ARSB: variants seen among roughly 807,000 people sequenced by gnomAD.
ARSB encodes N-acetylgalactosamine-4-sulfatase.
Under a neutral mutation model 50.9 loss-of-function variants are expected in ARSB, and 41 were observed. The observed-to-expected ratio is 0.81, with a 90% confidence interval of 0.63 to 1.04. ARSB has a LOEUF of 1.04. Ranked by LOEUF, ARSB falls within the 50% of genes least tolerant of loss-of-function variation. The probability of loss-of-function intolerance (pLI) is 0.00; values close to 1 mark genes in which losing one functional copy is unlikely to be tolerated. For missense variants in ARSB, 672 were observed against 693.3 expected (o/e 0.97, Z 0.35); for synonymous variants, 269 against 284.8 (o/e 0.94, Z 0.56).
intron 4 of ARSB, among the ~76,000 whole-genome samples, chr5:78,942,029 T>G (rs1027001061): frequency 1.1e-4 from 17 of 152,172 alleles, no homozygotes; most frequent in Non-Finnish European, 1.9e-4. Context: ...ATGTATCCAG[T>G]AATTTATCCG....
At chr5:78,804,400 T>G (rs548094598) in intron 6 of ARSB, among the ~76,000 whole-genome samples, 5 of 152,192 alleles carry the variant, frequency 3.3e-5, no homozygotes, top group African/African-American at 1.2e-4. Flanking sequence ...CACATAAGCC[T>G]CTCTTAAGGA....
At chr5:78,975,812 C>G (rs923793690) in intron 1 of ARSB, among the ~76,000 whole-genome samples, 1 of 152,188 alleles carries the variant, frequency 6.6e-6, no homozygotes, top group Non-Finnish European at 1.5e-5. Context: ...TTGTCCAACA[C>G]TGAGTGCTTC....
At chr5:78,913,796 T>C (rs922984474) in intron 4 of ARSB, among the ~76,000 whole-genome samples, 2 of 152,190 alleles carry the variant, frequency 1.3e-5, no homozygotes, top group Non-Finnish European at 2.9e-5. Context: ...TTGCTAGCTG[T>C]AGTCACCTCA....
At chr5:78,872,290 A>G (rs1747239295) in intron 5 of ARSB, among the ~76,000 whole-genome samples, 1 of 151,612 alleles carries the variant, frequency 6.6e-6, no homozygotes, top group Non-Finnish European at 1.5e-5. Context: ...TAGAAATACC[A>G]TTTGACCCAG....
At chr5:78,913,108 T>G (rs1749377961) in intron 4 of ARSB, among the ~76,000 whole-genome samples, 1 of 143,744 alleles carries the variant, frequency 7.0e-6, no homozygotes, top group African/African-American at 2.5e-5. Flanking sequence ...TTTTAAAATG[T>G]AGTTTTAATT....
rs906245021 is a variant in ARSB, at chr5:78,780,557, G to T, written c.1442C>A (p.Pro481His). ...TCTGGACAGGTCATGTCTTTCTTCA[G>T]GGTCCCGATCAATATCAAAGAGCCA... ...TLWLFDIDRDPEERHDLSREY... is the reference protein window; with the variant it reads ...TLWLFDIDRDHEERHDLSREY... The change falls in exon 8 of 8, where the codon CCT (proline) becomes CAT (histidine). Residue 481 changes from proline to histidine, a missense_variant. By Grantham distance (77) the Pro-to-His change is moderately conservative (BLOSUM62 -2). Transcript: ENST00000264914. The T allele has an allele frequency of 1.2e-6, 2 of 1,614,152 alleles. No homozygotes were observed. The highest frequency in any genetic ancestry group is 1.6e-4 in the Middle Eastern group (1 of 6,062).
chr5:78,851,214 A>T (rs1046770922), intron 5 of ARSB, among the ~76,000 whole-genome samples: 30 of 151,692 alleles, frequency 2.0e-4, no homozygotes, highest in Non-Finnish European at 2.9e-4. Flanking sequence ...TAAATTTCCC[A>T]CTACACACTG....
chr5:78,841,164 ACT>A (rs1745188990), intron 5 of ARSB, among the ~76,000 whole-genome samples: 13 of 133,444 alleles, frequency 9.7e-5, no homozygotes, highest in South Asian at 2.3e-4. Flanking sequence ...TACTACTACT[ACT>A]ACTAATAATA....
At chr5:78,944,381 G>C (rs886421786) in intron 4 of ARSB, among the ~76,000 whole-genome samples, 1 of 152,178 alleles carries the variant, frequency 6.6e-6, no homozygotes, top group African/African-American at 2.4e-5. Context: ...CAGTTTTTCT[G>C]CTCTGTTTTT....
At chr5:78,833,402 A>T (rs1744781931) in intron 6 of ARSB, among the ~76,000 whole-genome samples, 1 of 152,222 alleles carries the variant, frequency 6.6e-6, no homozygotes. Flanking sequence ...GAAGGGAACA[A>T]AGGAAAAGAG....
intron 5 of ARSB, among the ~76,000 whole-genome samples, chr5:78,842,644 T>G (rs1745275619): frequency 6.6e-6 from 1 of 152,160 alleles, no homozygotes; most frequent in Non-Finnish European, 1.5e-5. Flanking sequence ...TTAAAGACCC[T>G]CTTAAGAACC....
intron 4 of ARSB, among the ~76,000 whole-genome samples, chr5:78,923,604 G>A (rs192924043): frequency 5.9e-5 from 9 of 152,316 alleles, no homozygotes; most frequent in Non-Finnish European, 1.2e-4. Context: ...TTAAGCTCAC[G>A]TCGTCATCTG....
chr5:78,950,203 C>T (rs967485915), intron 4 of ARSB, among the ~76,000 whole-genome samples: 5 of 152,062 alleles, frequency 3.3e-5, no homozygotes, highest in Admixed American at 6.5e-5. Flanking sequence ...CACTACCCTG[C>T]GAAAACAACA....
chr5:78,847,068 G>T (rs533198224), intron 5 of ARSB, among the ~76,000 whole-genome samples: 1 of 152,150 alleles, frequency 6.6e-6, no homozygotes, highest in Non-Finnish European at 1.5e-5. Flanking sequence ...ATTTGTATAT[G>T]TTGAACCATT....
At chr5:78,970,350 T>A (rs1752398023) in intron 1 of ARSB, among the ~76,000 whole-genome samples, 1 of 152,148 alleles carries the variant, frequency 6.6e-6, no homozygotes. Context: ...CACTTAACTA[T>A]TTGGTTTTGA....
At chr5:78,834,821 TATG>T (rs1332565350) in intron 6 of ARSB, among the ~76,000 whole-genome samples, 6 of 151,874 alleles carry the variant, frequency 4.0e-5, no homozygotes, top group Admixed American at 1.3e-4. Context: ...TGCTGGATCC[TATG>T]ATAATTCTAT....
At chr5:78,908,896 T>G (rs1443854214) in intron 4 of ARSB, among the ~76,000 whole-genome samples, 2 of 152,312 alleles carry the variant, frequency 1.3e-5, no homozygotes, top group African/African-American at 4.8e-5. Flanking sequence ...ACCTTGAATT[T>G]CCTGGTGCAA....
intron 6 of ARSB, among the ~76,000 whole-genome samples, chr5:78,826,592 A>G (rs891058359): frequency 6.6e-6 from 1 of 152,142 alleles, no homozygotes. Flanking sequence ...CACTGTCAAC[A>G]ATGGTTAGTT....
At chr5:78,839,249 T>C (rs1284322550) in intron 6 of ARSB, 107 bp downstream of exon 6, 4 of 1,093,778 alleles carry the variant, frequency 3.7e-6, no homozygotes, top group African/African-American at 3.1e-5. Context: ...TTTACCTTTA[T>C]AGCAACTCAG....
Sources: allele counts gnomAD v4.1 joint callset (sites outside exome capture counted in the v4.1 genomes callset), GRCh38; gene constraint gnomAD v4.1.1; transcripts MANE v1.5; gene names NCBI Gene and HGNC (gene_info 2026-07-23, HGNC 2026-07-21).